Variants in NEK5 observed in about 807,000 individuals in gnomAD.
NEK5 encodes serine/threonine-protein kinase Nek5.
A neutral mutation model predicts 109.2 loss-of-function variants in NEK5; 88 were observed. That is an observed-to-expected ratio of 0.81 (90% CI 0.68 to 0.96). The LOEUF is 0.96. Ranked by LOEUF, NEK5 falls within the 40% of genes least tolerant of loss-of-function variation. The pLI is 0.00. For synonymous variants in NEK5, 283 were observed against 299.9 expected, an observed-to-expected ratio of 0.94 and a Z score of 0.58; for missense variants, 834 against 920.7, an observed-to-expected ratio of 0.91 and a Z score of 1.22.
intron 19 of NEK5, among the ~76,000 whole-genome samples, chr13:52,075,383 T>C (rs143989521): frequency 2.0e-4 from 31 of 152,138 alleles, no homozygotes; most frequent in African/African-American, 7.2e-4. Flanking sequence ...ACCAATTACA[T>C]AGGGATAGAA....
chr13:52,089,304 C>T lies in NEK5; in HGVS notation c.1218G>A (p.Glu406=). Residue 406 remains glutamate, a synonymous_variant, in exon 14 of 24, where the codon GAG becomes GAA. Coordinates refer to ENST00000684899, the MANE Select transcript of NEK5 (RefSeq NM_001365552.1). Reference sequence around the variant, plus strand: ...GAGCTTCAAATTTTCTCTGAAGGTACTCAGCAGGCCTTAGAAAATAAGAAT... The same window carrying T: ...GAGCTTCAAATTTTCTCTGAAGGTATTCAGCAGGCCTTAGAAAATAAGAAT... The part of the protein sequence containing the change: ...HGPSPSQWPA[E]YLQRKFEAQQ... 6.2e-7 allele frequency: 1 copy of T among 1,603,216 alleles called. No homozygotes were observed. The highest frequency in any genetic ancestry group is 8.5e-7 in the Non-Finnish European group (1 of 1,171,272).
At chr13:52,077,951 G>A (rs935229634) in intron 17 of NEK5, among the ~76,000 whole-genome samples, 1 of 152,090 alleles carries the variant, frequency 6.6e-6, no homozygotes, top group Non-Finnish European at 1.5e-5. Context: ...GCGCATGCCT[G>A]TAATCCCAGC....
At chr13:52,089,137 TAG>T (rs1367405537) in intron 14 of NEK5, 108 bp downstream of exon 14, 9 of 678,876 alleles carry the variant, frequency 1.3e-5, no homozygotes, top group African/African-American at 5.5e-5. Flanking sequence ...TGGGGACTAG[TAG>T]AGAGTATTCT....
At chr13:52,057,796 G>T (rs1486942176) in intron 22 of NEK5, among the ~76,000 whole-genome samples, 3 of 151,728 alleles carry the variant, frequency 2.0e-5, no homozygotes, top group African/African-American at 7.3e-5. Flanking sequence ...TTGATGGGAC[G>T]TATCTCAAAA....
At chr13:52,052,688 T>G (rs1203948611) in intron 22 of NEK5, among the ~76,000 whole-genome samples, 2 of 152,146 alleles carry the variant, frequency 1.3e-5, no homozygotes, top group African/African-American at 4.8e-5. Flanking sequence ...AAAAAAAGAT[T>G]TATATCTATA....
intron 23 of NEK5, among the ~76,000 whole-genome samples, chr13:52,041,375 CTT>C (rs1954411426): frequency 6.6e-6 from 1 of 151,988 alleles, no homozygotes. Context: ...AAATAATTAT[CTT>C]GGGCATGAAA....
At chr13:52,049,015 C>G (rs7338131) in intron 23 of NEK5, among the ~76,000 whole-genome samples, 94,495 of 152,038 alleles carry the variant, frequency 0.62, 30,713 homozygotes, top group Non-Finnish European at 0.72. Context: ...AAGCATGTGA[C>G]GTAATACATA....
chr13:52,097,703 T>C (rs750395997), intron 12 of NEK5, among the ~76,000 whole-genome samples: 6 of 151,488 alleles, frequency 4.0e-5, no homozygotes, highest in Non-Finnish European at 7.4e-5. Flanking sequence ...AGACCTTGAA[T>C]TGTGGACTTT....
At chr13:52,064,774 C>G (rs900836871) in intron 21 of NEK5, 1 of 231,770 alleles carries the variant, frequency 4.3e-6, no homozygotes, top group South Asian at 4.9e-5. Context: ...TTGTTCCGTA[C>G]TAAGAAAAAT....
intron 13 of NEK5, among the ~76,000 whole-genome samples, chr13:52,091,603 T>G (rs1295248901): frequency 6.6e-6 from 1 of 152,184 alleles, no homozygotes. Context: ...TCATCCAAAA[T>G]TTCAACAATA....
At chr13:52,067,681 T>TTA (rs1200975226) in intron 20 of NEK5, among the ~76,000 whole-genome samples, 1 of 149,598 alleles carries the variant, frequency 6.7e-6, no homozygotes, top group Non-Finnish European at 1.5e-5. Flanking sequence ...ACGTCATTTT[T>TTA]TTTTTTTTTT....
chr13:52,071,031 T>C (rs561187557), intron 20 of NEK5, among the ~76,000 whole-genome samples: 73 of 152,168 alleles, frequency 4.8e-4, no homozygotes, highest in African/African-American at 1.3e-3. Context: ...GAGATTCAAT[T>C]CCCATCTGTC....
chr13:52,086,393 A>C, intron 15 of NEK5, 30 bp from the exon 16 acceptor site: 1 of 1,342,422 alleles, frequency 7.4e-7, no homozygotes, highest in African/African-American at 1.4e-5. Context: ...CAGAAACTTT[A>C]AATGTTTATG....
At chr13:52,125,825 A>G (rs2138151109) in intron 3 of NEK5, among the ~76,000 whole-genome samples, 1 of 152,234 alleles carries the variant, frequency 6.6e-6, no homozygotes, top group African/African-American at 2.4e-5. Flanking sequence ...GAGCAGAATA[A>G]TGTCATGGGA....
intron 20 of NEK5, 33 bp downstream of exon 20, chr13:52,071,911 C>G: frequency 6.2e-7 from 1 of 1,604,992 alleles, no homozygotes; most frequent in East Asian, 2.2e-5. Context: ...TAAAACAGTT[C>G]CTTCTCATTT....
intron 12 of NEK5, 151 bp from the exon 13 acceptor site, chr13:52,093,386 C>G: frequency 1.9e-6 from 1 of 538,070 alleles, no homozygotes; most frequent in Non-Finnish European, 3.3e-6. Context: ...ATGGCAAAAC[C>G]TCGTCTGTAC....
At chr13:52,041,048 A>C (rs1182427942) in intron 23 of NEK5, among the ~76,000 whole-genome samples, 1 of 152,184 alleles carries the variant, frequency 6.6e-6, no homozygotes, top group African/African-American at 2.4e-5. Flanking sequence ...AGACCCTATT[A>C]GATATTTAGG....
chr13:52,087,872 G>A (rs955954349), intron 14 of NEK5, among the ~76,000 whole-genome samples: 2 of 150,308 alleles, frequency 1.3e-5, no homozygotes, highest in East Asian at 2.0e-4. Context: ...TGATCTGCCC[G>A]CCTTGGCCTC....
chr13:52,086,423 T>A (rs1955144606), intron 15 of NEK5, 60 bp from the exon 16 acceptor site: 2 of 1,001,808 alleles, frequency 2.0e-6, no homozygotes. Flanking sequence ...ACAAAAATAA[T>A]CTTTCTGCAG....
Sources: gnomAD v4.1 joint callset for allele counts (sites outside exome capture counted in the v4.1 genomes callset) on GRCh38, gnomAD v4.1.1 for gene constraint, MANE v1.5 for transcripts, NCBI Gene and HGNC (gene_info 2026-07-23, HGNC 2026-07-21) for gene names.